Variants in OR10J1 observed in about 807,000 individuals in gnomAD.
The protein encoded by OR10J1 is olfactory receptor family 10 subfamily J member 1.
For synonymous variants in OR10J1, 202 were observed against 143.8 expected (o/e 1.40, Z -2.89); for missense variants, 474 against 376.6 (o/e 1.26, Z -2.14).
chr1:159,434,216 C>T (rs1274525753), upstream of OR10J1, among the ~76,000 whole-genome samples: 1 of 152,134 alleles, frequency 6.6e-6, no homozygotes. Flanking sequence ...CAACCCAGCC[C>T]TGAAGTCTGT....
At chr1:159,413,629 A>T in the OR10J1 span, among the ~76,000 whole-genome samples, 8 of 150,986 alleles carry the variant, frequency 5.3e-5, no homozygotes, top group African/African-American at 2.0e-4. Context: ...CATAGGTCGG[A>T]ATTGAACAAT....
At chr1:159,398,887 A>T in the OR10J1 span, among the ~76,000 whole-genome samples, 1 of 152,210 alleles carries the variant, frequency 6.6e-6, no homozygotes, top group African/African-American at 2.4e-5. Context: ...AAGGATTATA[A>T]CAGAGAACTT....
chr1:159,405,259 T>C, the OR10J1 span, among the ~76,000 whole-genome samples: 1 of 152,170 alleles, frequency 6.6e-6, no homozygotes, highest in Non-Finnish European at 1.5e-5. Context: ...TGAAGCTTTT[T>C]ACAAGGCATC....
At chr1:159,424,095 A>G in the OR10J1 span, among the ~76,000 whole-genome samples, 2 of 152,070 alleles carry the variant, frequency 1.3e-5, no homozygotes. Flanking sequence ...AGGTGCCCGT[A>G]ATCCCAGCTA....
the OR10J1 span, among the ~76,000 whole-genome samples, chr1:159,412,270 AT>A: frequency 1.3e-5 from 2 of 151,738 alleles, no homozygotes; most frequent in African/African-American, 4.8e-5. Context: ...GCCCAAGGTA[AT>A]TTACAGATTC....
chr1:159,440,802 TC>T lies in OR10J1; in HGVS notation c.*83del, dbSNP rs1364713530. ...AGGTGTAAACTCACAAACACTTGGC[TC>T]CTAGAGACCTGCCCCTTAAATAAGA... On this transcript the variant is annotated 3_prime_UTR_variant, in exon 1 of 1. Coordinates refer to ENST00000423932, the MANE Select transcript of OR10J1 (RefSeq NM_012351.3). 6.2e-6 allele frequency: 9 copies of T among 1,453,058 alleles called. No individual in the cohort carries two copies. Among genetic ancestry groups the T allele is most frequent in the Non-Finnish European group, 8.3e-6 (9 of 1,078,270 alleles). The allele number at this position is 1,453,058 out of a possible 1,614,324, so 90.0% of individuals were successfully genotyped here.
the OR10J1 span, chr1:159,432,122 G>A: frequency 2.5e-6 from 1 of 399,646 alleles, no homozygotes; most frequent in Non-Finnish European, 4.4e-6. Context: ...CATGGCTGAT[G>A]ACGATCCTGG....
chr1:159,412,796 A>G, the OR10J1 span, among the ~76,000 whole-genome samples: 2 of 151,702 alleles, frequency 1.3e-5, no homozygotes, highest in Non-Finnish European at 2.9e-5. Context: ...TCATGTCTAA[A>G]ACACCAAAAG....
chr1:159,411,762 G>T, the OR10J1 span, among the ~76,000 whole-genome samples: 2 of 151,990 alleles, frequency 1.3e-5, no homozygotes, highest in Non-Finnish European at 2.9e-5. Flanking sequence ...TGGTTATTTT[G>T]CTCATTAGTT....
the OR10J1 span, among the ~76,000 whole-genome samples, chr1:159,427,213 CT>C: frequency 6.6e-6 from 1 of 151,650 alleles, no homozygotes. Flanking sequence ...CTCAGAACTG[CT>C]TTATATATTT....
At chr1:159,430,598 C>A in the OR10J1 span, among the ~76,000 whole-genome samples, 1 of 150,852 alleles carries the variant, frequency 6.6e-6, no homozygotes, top group African/African-American at 2.4e-5. Flanking sequence ...TGACAACAAC[C>A]ATCCATGAAC....
rs889830723 is a variant in OR10J1 at position 159,440,150 on chromosome 1, A to G, written c.359A>G (p.Tyr120Cys). ...TNCFLLTAMG[Y>C]DRYVAICNPL... ...TGCTTCCTGCTCACAGCAATGGGAT[A>G]TGACCGCTATGTGGCCATCTGCAAC... Residue 120 changes from tyrosine (Y) to cysteine (C), a missense_variant, in exon 1 of 1, where the codon TAT becomes TGT. Tyr to Cys is a radical substitution (Grantham distance 194, BLOSUM62 -2). Transcript: ENST00000423932. 6 of 1,614,040 alleles carry G rather than the reference A, an allele frequency of 3.7e-6. No homozygotes were observed. The highest frequency in any genetic ancestry group is 1.7e-5 in the Admixed American group (1 of 59,986).
chr1:159,433,911 GAA>G (rs1304727348), upstream of OR10J1, among the ~76,000 whole-genome samples: 1 of 152,130 alleles, frequency 6.6e-6, no homozygotes, highest in Non-Finnish European at 1.5e-5. Flanking sequence ...AGGAAGGAAA[GAA>G]AAAGCAAAGA....
the OR10J1 span, among the ~76,000 whole-genome samples, chr1:159,417,091 T>A: frequency 1.3e-5 from 2 of 152,138 alleles, no homozygotes; most frequent in Non-Finnish European, 2.9e-5. Context: ...TGATCTTTAT[T>A]ATTTCTTCTA....
At chr1:159,436,655 A>G (rs78689883), upstream of OR10J1, among the ~76,000 whole-genome samples, 9,905 of 150,616 alleles carry the variant, frequency 0.066, 704 homozygotes, top group East Asian at 0.42. Context: ...AGGGAAAAAA[A>G]TGGTTAGCGG....
At chr1:159,411,768 T>C in the OR10J1 span, among the ~76,000 whole-genome samples, 1 of 152,128 alleles carries the variant, frequency 6.6e-6, no homozygotes. Context: ...TTTTGCTCAT[T>C]AGTTGATGCA....
At chr1:159,408,841 G>GAGA in the OR10J1 span, among the ~76,000 whole-genome samples, 2 of 151,990 alleles carry the variant, frequency 1.3e-5, no homozygotes, top group Non-Finnish European at 2.9e-5. Flanking sequence ...ATCATGATTA[G>GAGA]AGAAGATTAT....
At chr1:159,407,615 C>G in the OR10J1 span, among the ~76,000 whole-genome samples, 42 of 152,162 alleles carry the variant, frequency 2.8e-4, no homozygotes, top group African/African-American at 9.6e-4. Flanking sequence ...ACAGTAATTA[C>G]AGAAACTGTG....
the OR10J1 span, among the ~76,000 whole-genome samples, chr1:159,413,096 C>T: frequency 9.8e-4 from 149 of 152,280 alleles, 2 homozygotes; most frequent in African/African-American, 2.3e-3. Context: ...AAATGCTCAC[C>T]ATCACTGGCC....
Sources: gnomAD v4.1 joint callset for allele counts (sites outside exome capture counted in the v4.1 genomes callset) on GRCh38, gnomAD v4.1.1 for gene constraint, MANE v1.5 for transcripts, NCBI Gene and HGNC (gene_info 2026-07-23, HGNC 2026-07-21) for gene names.